Variants in ADCY2 observed in about 807,000 individuals in gnomAD.
ADCY2 encodes the protein adenylate cyclase type 2.
A neutral mutation model predicts 125.2 loss-of-function variants in ADCY2; 31 were observed. That is an observed-to-expected ratio of 0.25 (90% CI 0.19 to 0.33). The LOEUF (loss-of-function observed/expected upper bound fraction) is 0.33, where lower values mean the gene tolerates loss of function less well. ADCY2 is among the 10% of genes least tolerant of loss of function. The pLI is 1.00. For missense variants in ADCY2, 904 were observed against 1,418.2 expected (o/e 0.64, Z 5.82); for synonymous variants, 512 against 548.4 (o/e 0.93, Z 0.93).
At chr5:7,594,341 T>C (rs1736939377) in intron 3 of ADCY2, among the ~76,000 whole-genome samples, 1 of 152,060 alleles carries the variant, frequency 6.6e-6, no homozygotes, top group African/African-American at 2.4e-5. Context: ...ATGTGGAGAA[T>C]GAGAGAGAGC....
chr5:7,796,056 G>T (rs1384689310), intron 20 of ADCY2: 5 of 151,828 alleles, frequency 3.3e-5, no homozygotes, highest in Admixed American at 1.3e-4. Context: ...ATACAACAAG[G>T]TCTACCTATA....
intron 3 of ADCY2, among the ~76,000 whole-genome samples, chr5:7,565,685 A>G (rs1579579124): frequency 6.6e-6 from 1 of 152,212 alleles, no homozygotes; most frequent in Non-Finnish European, 1.5e-5. Flanking sequence ...AATGTAGACC[A>G]GTATCTGCCA....
At chr5:7,791,050 TTG>T (rs1491496279) in intron 20 of ADCY2, among the ~76,000 whole-genome samples, 1 of 151,930 alleles carries the variant, frequency 6.6e-6, no homozygotes, top group Non-Finnish European at 1.5e-5. Context: ...CAGTTTTTTT[TTG>T]GGGGGGTGTC....
At chr5:7,398,370 C>T (rs1739139159) in intron 1 of ADCY2, among the ~76,000 whole-genome samples, 1 of 152,138 alleles carries the variant, frequency 6.6e-6, no homozygotes, top group Non-Finnish European at 1.5e-5. Flanking sequence ...TTTGAATTGT[C>T]TTTGTTCTTT....
chr5:7,795,654 C>G (rs1375184461), intron 20 of ADCY2: 1 of 152,208 alleles, frequency 6.6e-6, no homozygotes, highest in Non-Finnish European at 1.5e-5. Flanking sequence ...TGATACTGCT[C>G]TGTGAGTCTT....
intron 18 of ADCY2, among the ~76,000 whole-genome samples, chr5:7,777,535 T>C (rs527867151): frequency 1.4e-3 from 214 of 152,356 alleles, no homozygotes; most frequent in Middle Eastern, 3.4e-3. Context: ...TCTTTTAGTA[T>C]CCACATCAGG....
intron 11 of ADCY2, among the ~76,000 whole-genome samples, chr5:7,713,660 C>T (rs766375901): frequency 3.9e-5 from 6 of 152,142 alleles, no homozygotes; most frequent in East Asian, 1.9e-4. Flanking sequence ...TCGCAGCCAC[C>T]GTAAAATCCC....
At chr5:7,472,751 C>A (rs1166814076) in intron 2 of ADCY2, among the ~76,000 whole-genome samples, 1 of 152,054 alleles carries the variant, frequency 6.6e-6, no homozygotes, top group East Asian at 1.9e-4. Flanking sequence ...TTTTGTCTTG[C>A]AATTTCAGTA....
chr5:7,727,058 A>C lies in ADCY2; in HGVS notation c.1774-106A>C, dbSNP rs183342747. 13 of 793,782 alleles carry C rather than the reference A, an allele frequency of 1.6e-5. No individual in the cohort carries two copies. In the Admixed American group the frequency reaches 3.2e-4, roughly 19 times the overall value. The allele number at this position is 793,782 out of a possible 1,614,324, so 49.2% of individuals were successfully genotyped here. On this transcript the variant is annotated intron_variant, in intron 13 of 24. Coordinates refer to ENST00000338316, the MANE Select transcript of ADCY2 (RefSeq NM_020546.3). ...AGCTCACGTTGGCTGCAATCTGCAC[A>C]ATTTCTGAGTGTGGTGCATGCTCTG...
At chr5:7,672,072 A>G (rs1052320650) in intron 4 of ADCY2, among the ~76,000 whole-genome samples, 2 of 152,200 alleles carry the variant, frequency 1.3e-5, no homozygotes, top group Non-Finnish European at 2.9e-5. Context: ...AGGTCCCTGC[A>G]TAAGCCCATA....
Position 7,699,754 on chromosome 5 carries a change from A to AT in ADCY2, c.1109+1385dup, listed in dbSNP as rs758931014. Among the ~76,000 whole-genome samples the AT allele has an allele frequency of 9.9e-5, 15 of 151,854 alleles. No individual in the cohort carries two copies. In the South Asian group the frequency reaches 2.3e-3, roughly 23 times the overall value. ...AGGCAAGCACCACCACATCCAGCTA[A>AT]TTTTTGTATTTTTTGTAGAGACGGG... is the stretch of plus-strand genomic sequence containing the variant. On this transcript the variant is annotated intron_variant, in intron 7 of 24. Transcript: ENST00000338316.
At chr5:7,688,423 A>T (rs1401912762) in intron 4 of ADCY2, among the ~76,000 whole-genome samples, 1 of 135,706 alleles carries the variant, frequency 7.4e-6, no homozygotes, top group Non-Finnish European at 1.6e-5. Context: ...GCCTGCCACC[A>T]TGCCCAGCTA....
intron 4 of ADCY2, among the ~76,000 whole-genome samples, chr5:7,633,674 C>G (rs774320222): frequency 6.6e-6 from 1 of 152,138 alleles, no homozygotes; most frequent in Non-Finnish European, 1.5e-5. Context: ...AAGCAACTCA[C>G]CTGTCTTGTT....
chr5:7,686,986 C>T (rs1414058809), intron 4 of ADCY2, among the ~76,000 whole-genome samples: 1 of 152,156 alleles, frequency 6.6e-6, no homozygotes, highest in Non-Finnish European at 1.5e-5. Context: ...TCACCAGGTG[C>T]AGTGCTATCT....
intron 4 of ADCY2, among the ~76,000 whole-genome samples, chr5:7,662,482 G>A (rs937390719): frequency 6.6e-6 from 1 of 152,214 alleles, no homozygotes; most frequent in Non-Finnish European, 1.5e-5. Context: ...CTTCCCAGCA[G>A]ACAGATGTCC....
intron 3 of ADCY2, among the ~76,000 whole-genome samples, chr5:7,548,032 A>G (rs1237055541): frequency 6.6e-6 from 1 of 152,198 alleles, no homozygotes; most frequent in East Asian, 1.9e-4. Context: ...TCTGGGATCC[A>G]TGCAAGTTAA....
chr5:7,410,068 G>A (rs985543468), intron 1 of ADCY2, among the ~76,000 whole-genome samples: 6 of 152,050 alleles, frequency 3.9e-5, no homozygotes, highest in Non-Finnish European at 8.8e-5. Flanking sequence ...AGTAATTACT[G>A]TCATTTGTGG....
At chr5:7,545,558 T>C (rs1037078753) in intron 3 of ADCY2, among the ~76,000 whole-genome samples, 5 of 152,260 alleles carry the variant, frequency 3.3e-5, no homozygotes, top group African/African-American at 1.2e-4. Flanking sequence ...ATGAACACTT[T>C]GTCCAGACCT....
intron 2 of ADCY2, among the ~76,000 whole-genome samples, chr5:7,513,780 A>G (rs1405783616): frequency 4.6e-5 from 7 of 152,198 alleles, no homozygotes; most frequent in Non-Finnish European, 8.8e-5. Context: ...TTTTGGTAAA[A>G]TCTGTGTCTT....
Sources: allele counts gnomAD v4.1 joint callset (sites outside exome capture counted in the v4.1 genomes callset), GRCh38; gene constraint gnomAD v4.1.1; transcripts MANE v1.5; gene names NCBI Gene and HGNC (gene_info 2026-07-23, HGNC 2026-07-21).